TRIM33: variants seen among roughly 807,000 people sequenced by gnomAD.
TRIM33 encodes the protein tripartite motif containing 33.
TRIM33 carries 20 observed loss-of-function variants against 125.4 expected under a neutral mutation model. That is an observed-to-expected ratio of 0.16 (90% CI 0.11 to 0.23). The LOEUF (loss-of-function observed/expected upper bound fraction) is 0.23, where lower values mean the gene tolerates loss of function less well. Among genes scored for constraint, TRIM33 ranks in the 10% least tolerant of loss-of-function variants. The probability of loss-of-function intolerance (pLI) is 1.00; values close to 1 mark genes in which losing one functional copy is unlikely to be tolerated. For synonymous variants in TRIM33, 564 were observed against 513.9 expected (o/e 1.10, Z -1.32); for missense variants, 920 against 1,411.4 (o/e 0.65, Z 5.58).
intron 1 of TRIM33, among the ~76,000 whole-genome samples, chr1:114,484,613 A>G (rs1387624326): frequency 6.6e-6 from 1 of 152,214 alleles, no homozygotes; most frequent in African/African-American, 2.4e-5. Context: ...CTGTAATCCT[A>G]GCACTTTGGG....
chr1:114,452,813 G>T (rs866793849), intron 4 of TRIM33, among the ~76,000 whole-genome samples: 1 of 151,486 alleles, frequency 6.6e-6, no homozygotes, highest in Middle Eastern at 3.2e-3. Context: ...GAGGCAGGAG[G>T]ATCACTTGAG....
intron 1 of TRIM33, among the ~76,000 whole-genome samples, chr1:114,474,890 T>A (rs1457714682): frequency 2.7e-5 from 4 of 146,194 alleles, no homozygotes; most frequent in Admixed American, 2.0e-4. Flanking sequence ...GAAAACTCTA[T>A]CTCAAAAAAA....
At chr1:114,469,942 T>C (rs912435590) in intron 1 of TRIM33, among the ~76,000 whole-genome samples, 9 of 152,180 alleles carry the variant, frequency 5.9e-5, no homozygotes, top group Admixed American at 3.3e-4. Context: ...AATAATATCA[T>C]AGAGTAACAT....
chr1:114,509,753 C>T (rs1188103843), intron 1 of TRIM33, among the ~76,000 whole-genome samples: 1 of 152,170 alleles, frequency 6.6e-6, no homozygotes, highest in Non-Finnish European at 1.5e-5. Context: ...GTACTGAGGA[C>T]TCACCTCCAC....
Position 114,396,396 on chromosome 1 carries a change from A to G in TRIM33, c.*1252T>C, listed in dbSNP as rs1176940818. On this transcript the variant is annotated 3_prime_UTR_variant, in exon 20 of 20. Coordinates refer to ENST00000358465, the MANE Select transcript of TRIM33 (RefSeq NM_015906.4). ...GTCCTTTAAGCCCCCAGTCCATGCA[A>G]ATGTCCCACTTGGTGGACAGATGAG... 4 of 200,872 alleles carry G rather than the reference A, an allele frequency of 2.0e-5. No individual in the cohort carries two copies. Among genetic ancestry groups the G allele is most frequent in the African/African-American group, 9.2e-5 (4 of 43,456 alleles). 12.4% of individuals were successfully genotyped at this position (200,872 alleles called of 1,614,324 possible).
chr1:114,440,691 A>G (rs973736605), intron 4 of TRIM33, among the ~76,000 whole-genome samples: 15 of 152,176 alleles, frequency 9.9e-5, no homozygotes, highest in Non-Finnish European at 2.2e-4. Context: ...TTAGACATAA[A>G]GAGAGTATTT....
intron 17 of TRIM33, among the ~76,000 whole-genome samples, chr1:114,399,848 G>A (rs1188273693): frequency 6.6e-6 from 1 of 151,944 alleles, no homozygotes; most frequent in African/African-American, 2.4e-5. Context: ...AATAAGATTT[G>A]GAAAGAAAGC....
intron 4 of TRIM33, chr1:114,460,025 C>T (rs1253721745): frequency 2.4e-5 from 4 of 164,644 alleles, no homozygotes; most frequent in Non-Finnish European, 5.4e-5. Flanking sequence ...AAGATTATGT[C>T]CTCCCCTCTT....
At chr1:114,485,660 T>C (rs1028682032) in intron 1 of TRIM33, among the ~76,000 whole-genome samples, 1 of 152,128 alleles carries the variant, frequency 6.6e-6, no homozygotes, top group Non-Finnish European at 1.5e-5. Context: ...ATCTGCAACA[T>C]GGCAGAGAAA....
intron 1 of TRIM33, among the ~76,000 whole-genome samples, chr1:114,490,100 A>AAAAAG (rs1553222430): frequency 4.2e-5 from 6 of 142,102 alleles, no homozygotes; most frequent in South Asian, 4.3e-4. Flanking sequence ...AAAAAAAAAA[A>AAAAAG]AAAAGAAAAG....
intron 8 of TRIM33, among the ~76,000 whole-genome samples, chr1:114,426,480 A>AT (rs971548249): frequency 6.0e-5 from 9 of 150,660 alleles, no homozygotes; most frequent in Non-Finnish European, 7.4e-5. Flanking sequence ...TTTGAATATA[A>AT]TTTTTTTTTA....
chr1:114,399,648 A>C (rs1651750123), intron 17 of TRIM33, 39 bp from the exon 18 acceptor site: 1 of 1,511,218 alleles, frequency 6.6e-7, no homozygotes, highest in African/African-American at 1.4e-5. Flanking sequence ...AATTCTCCAA[A>C]AATGCCAAAC....
chr1:114,441,521 G>T (rs1208486168), intron 4 of TRIM33, among the ~76,000 whole-genome samples: 1 of 152,158 alleles, frequency 6.6e-6, no homozygotes, highest in Non-Finnish European at 1.5e-5. Context: ...TGCACAGAAG[G>T]GAACTCTTGA....
At chr1:114,452,077 T>C (rs1390302460) in intron 4 of TRIM33, among the ~76,000 whole-genome samples, 1 of 141,040 alleles carries the variant, frequency 7.1e-6, no homozygotes, top group East Asian at 1.9e-4. Flanking sequence ...AGAACACTTC[T>C]AAAGAATAAA....
chr1:114,503,861 C>T (rs1442692446), intron 1 of TRIM33, among the ~76,000 whole-genome samples: 1 of 152,064 alleles, frequency 6.6e-6, no homozygotes, highest in Non-Finnish European at 1.5e-5. Flanking sequence ...TTAAGTAAAA[C>T]CATAGTTTCA....
rs1274358032 is a variant in TRIM33 at position 114,395,032 on chromosome 1, T to C, written c.*2616A>G. 5.2e-6 allele frequency: 1 copy of C among 194,046 alleles called. No homozygotes were observed. The highest frequency in any genetic ancestry group is 2.3e-5 in the African/African-American group (1 of 43,204). The allele number at this position is 194,046 out of a possible 1,614,324, so 12.0% of individuals were successfully genotyped here. A position where few individuals can be genotyped will look rare whatever the true frequency, so the allele number is the denominator to read the frequency against. On this transcript the variant is annotated 3_prime_UTR_variant, in exon 20 of 20. Coordinates refer to ENST00000358465, the MANE Select transcript of TRIM33 (RefSeq NM_015906.4). ...CTTCAGGGACTGACAGATACAATTT[T>C]GTCTTTTTAAAACATAAACTAATAG...
At chr1:114,421,744 TG>T in intron 10 of TRIM33, 108 bp from the exon 11 acceptor site, 1 of 1,072,728 alleles carries the variant, frequency 9.3e-7, no homozygotes, top group Middle Eastern at 2.1e-4. Context: ...AACAAAGAAG[TG>T]GGCCCTTTCA....
chr1:114,426,584 T>C (rs1300767683), intron 8 of TRIM33, among the ~76,000 whole-genome samples: 1 of 152,028 alleles, frequency 6.6e-6, no homozygotes, highest in Non-Finnish European at 1.5e-5. Context: ...TTAACTGTTC[T>C]GAAAGTGAGT....
intron 11 of TRIM33, among the ~76,000 whole-genome samples, chr1:114,419,484 C>G (rs766924835): frequency 6.6e-6 from 1 of 152,160 alleles, no homozygotes; most frequent in African/African-American, 2.4e-5. Context: ...AAGCATTAAA[C>G]TTATATATTG....
Sources: gnomAD v4.1 joint callset for allele counts (sites outside exome capture counted in the v4.1 genomes callset) on GRCh38, gnomAD v4.1.1 for gene constraint, MANE v1.5 for transcripts, NCBI Gene and HGNC (gene_info 2026-07-23, HGNC 2026-07-21) for gene names.